The following CLSTN2 variants were observed in gnomAD, a reference collection of about 807,000 sequenced individuals.
CLSTN2 encodes calsyntenin-2.
A neutral mutation model predicts 101.2 loss-of-function variants in CLSTN2; 48 were observed. The ratio of observed to expected loss-of-function variants is 0.47; its 90% CI spans 0.38 to 0.60. The LOEUF is 0.60. Among genes scored for constraint, CLSTN2 ranks in the 20% least tolerant of loss-of-function variants. CLSTN2 has a pLI of 0.00. For missense variants in CLSTN2, 1,160 were observed against 1,238.2 expected (o/e 0.94, Z 0.95); for synonymous variants, 481 against 463.6 (o/e 1.04, Z -0.48).
In CLSTN2 at chr3:139,974,749, T is replaced by A. The variant is rs532023959; in HGVS notation, c.109+39266T>A. 2.6e-4 allele frequency among the ~76,000 whole-genome samples: 40 copies of A among 152,342 alleles called. No individual in the cohort carries two copies. The South Asian group carries it at 3.9e-3, about 15-fold the overall frequency. ...ACAATAATATTCTTCTCTTTCTAAATTGTATATAAAATCCATTGCTGGTTC... is the reference window on the plus strand; with the variant it reads ...ACAATAATATTCTTCTCTTTCTAAAATGTATATAAAATCCATTGCTGGTTC... On this transcript the variant is annotated intron_variant, in intron 1 of 16. Transcript: ENST00000458420.
rs562114882 is a variant in CLSTN2, at chr3:140,449,163, C to A, written c.973+459C>A. ...GCGCCAGCTATATAATTTGTGGGGC[C>A]CAGTGCAAATGAAAATTTGGGGCTC... On this transcript the variant is annotated intron_variant, in intron 6 of 16. Transcript: ENST00000458420. 2.0e-5 allele frequency among the ~76,000 whole-genome samples: 3 copies of A among 152,218 alleles called. No individual in the cohort carries two copies. In the South Asian group the frequency reaches 6.2e-4, roughly 32 times the overall value.
At chr3:140,410,764 T>C (rs2088355331) in intron 4 of CLSTN2, among the ~76,000 whole-genome samples, 1 of 152,220 alleles carries the variant, frequency 6.6e-6, no homozygotes, top group Admixed American at 6.5e-5. Context: ...TTAATGTATG[T>C]ACAATATAAA....
rs75652113 is a variant in CLSTN2 at position 140,125,238 on chromosome 3, A to C, written c.110-50713A>C. Among the ~76,000 whole-genome samples, 468 of 152,206 alleles carry C rather than the reference A, an allele frequency of 3.1e-3. 3 individuals carry two copies. The highest frequency in any genetic ancestry group is 0.011 in the African/African-American group (447 of 41,532). ...AGCATGAGAATGGGGTAATTGCTGA[A>C]CAGGGGAGTGAAGCTGTAGGGTGGG... On this transcript the variant is annotated intron_variant, in intron 1 of 16. Transcript: ENST00000458420.
chr3:140,385,261 G>A (rs2088036983), intron 2 of CLSTN2, among the ~76,000 whole-genome samples: 1 of 151,404 alleles, frequency 6.6e-6, no homozygotes, highest in South Asian at 2.1e-4. Flanking sequence ...GAAGCATCTT[G>A]GTTCATAGTA....
chr3:140,341,333 C>T (rs2087490432), intron 2 of CLSTN2, among the ~76,000 whole-genome samples: 1 of 152,176 alleles, frequency 6.6e-6, no homozygotes, highest in Non-Finnish European at 1.5e-5. Flanking sequence ...CGAATTTGGC[C>T]ACTGGCCTTG....
Position 140,558,717 on chromosome 3 carries a change from G to A in CLSTN2, c.1901G>A (p.Arg634Gln), listed in dbSNP as rs1460965010. ...YVMVLQAIEP[R>Q]ITLRGTDHFW... ...ATGGTCCTCCAGGCCATCGAGCCCC[G>A]GATCACCCTCCGGGGCACAGACCAC... Residue 634 changes from arginine (R) to glutamine (Q), a missense_variant, in exon 12 of 17, where the codon CGG becomes CAG. By Grantham distance (43) the Arg-to-Gln change is conservative (BLOSUM62 1). Coordinates refer to ENST00000458420, the MANE Select transcript of CLSTN2 (RefSeq NM_022131.3). 25 of 1,613,894 alleles carry A rather than the reference G, an allele frequency of 1.5e-5. No individual in the cohort carries two copies. The highest frequency in any genetic ancestry group is 3.3e-5 in the South Asian group (3 of 91,066).
intron 2 of CLSTN2, among the ~76,000 whole-genome samples, chr3:140,372,256 G>T (rs188682267): frequency 6.6e-6 from 1 of 152,078 alleles, no homozygotes; most frequent in South Asian, 2.1e-4. Flanking sequence ...CCCGTTGCTG[G>T]TCTCATCTAT....
intron 8 of CLSTN2, among the ~76,000 whole-genome samples, chr3:140,519,271 G>T (rs562215708): frequency 6.6e-6 from 1 of 152,356 alleles, no homozygotes; most frequent in South Asian, 2.1e-4. Flanking sequence ...TCTAGAGGAA[G>T]TGCCATGTGG....
chr3:140,058,830 G>C (rs981656002), intron 1 of CLSTN2, among the ~76,000 whole-genome samples: 1 of 152,070 alleles, frequency 6.6e-6, no homozygotes, highest in Non-Finnish European at 1.5e-5. Context: ...AAGGTGAGAG[G>C]GGGTAGGTGG....
At chr3:140,232,939 C>T (rs1031425556) in intron 2 of CLSTN2, among the ~76,000 whole-genome samples, 3 of 152,092 alleles carry the variant, frequency 2.0e-5, no homozygotes, top group Non-Finnish European at 4.4e-5. Flanking sequence ...TCCCCTCCGT[C>T]GTGCCCTGCC....
chr3:140,380,030 A>G (rs2087962028), intron 2 of CLSTN2, among the ~76,000 whole-genome samples: 1 of 152,236 alleles, frequency 6.6e-6, no homozygotes, highest in African/African-American at 2.4e-5. Flanking sequence ...TACTACTATA[A>G]GTGATACTGA....
chr3:140,238,891 G>A (rs1006150621), intron 2 of CLSTN2, among the ~76,000 whole-genome samples: 18 of 152,174 alleles, frequency 1.2e-4, no homozygotes, highest in Admixed American at 2.6e-4. Flanking sequence ...AAGGCAAGAA[G>A]AGATTTGAAT....
intron 6 of CLSTN2, chr3:140,449,636 C>A (rs541440018): frequency 6.6e-6 from 1 of 152,232 alleles, no homozygotes; most frequent in East Asian, 1.9e-4. Flanking sequence ...TGTCGTGGTG[C>A]TGGAGGGAGT....
At chr3:140,363,635 G>A (rs1006022686) in intron 2 of CLSTN2, among the ~76,000 whole-genome samples, 1 of 152,140 alleles carries the variant, frequency 6.6e-6, no homozygotes, top group Non-Finnish European at 1.5e-5. Flanking sequence ...GTCTTCATTT[G>A]CATTTCTCCC....
chr3:140,477,304 A>G (rs532824507), intron 8 of CLSTN2, among the ~76,000 whole-genome samples: 2 of 152,334 alleles, frequency 1.3e-5, no homozygotes, highest in South Asian at 4.1e-4. Context: ...ATCAGTGCAC[A>G]CTTAGAAGGA....
At chr3:140,052,986 C>G (rs970832338) in intron 1 of CLSTN2, among the ~76,000 whole-genome samples, 2 of 152,222 alleles carry the variant, frequency 1.3e-5, no homozygotes, top group African/African-American at 4.8e-5. Context: ...AGACACAGCT[C>G]TCATCAAGAC....
intron 7 of CLSTN2, among the ~76,000 whole-genome samples, chr3:140,461,932 C>T (rs1040683631): frequency 1.1e-4 from 17 of 149,822 alleles, no homozygotes; most frequent in African/African-American, 3.9e-4. Flanking sequence ...AATACCCCAT[C>T]CTAAATTAAA....
chr3:140,441,938 G>C (rs371919475), intron 5 of CLSTN2, among the ~76,000 whole-genome samples: 1 of 152,170 alleles, frequency 6.6e-6, no homozygotes, highest in African/African-American at 2.4e-5. Context: ...TGTACACTCA[G>C]AAGCGGAAGT....
intron 2 of CLSTN2, among the ~76,000 whole-genome samples, chr3:140,179,164 G>A (rs574017678): frequency 6.6e-6 from 1 of 152,072 alleles, no homozygotes; most frequent in South Asian, 2.1e-4. Context: ...TCCTGATTAT[G>A]ACAAAAACAA....
Sources: gnomAD v4.1 joint callset for allele counts (sites outside exome capture counted in the v4.1 genomes callset) on GRCh38, gnomAD v4.1.1 for gene constraint, MANE v1.5 for transcripts, NCBI Gene and HGNC (gene_info 2026-07-23, HGNC 2026-07-21) for gene names.